UGT2B7: variants seen among roughly 807,000 people sequenced by gnomAD.
UGT2B7 encodes UDP-glucuronosyltransferase 2B7.
Under a neutral mutation model 51.9 loss-of-function variants are expected in UGT2B7, and 51 were observed. That is an observed-to-expected ratio of 0.98 (90% CI 0.78 to 1.24). UGT2B7 has a LOEUF of 1.24. Among genes scored for constraint, UGT2B7 ranks in the 50% most tolerant of loss-of-function variants. The pLI, the probability that UGT2B7 is intolerant of heterozygous loss-of-function variation, is 0.00. For synonymous variants in UGT2B7, 225 were observed against 211.6 expected (o/e 1.06, Z -0.55); for missense variants, 727 against 628.4 (o/e 1.16, Z -1.68).
intron 5 of UGT2B7, among the ~76,000 whole-genome samples, chr4:69,111,385 CA>C (rs1719765515): frequency 6.6e-6 from 1 of 152,072 alleles, no homozygotes; most frequent in East Asian, 1.9e-4. Context: ...GAGTAGGAGA[CA>C]AAAGAGTAAT....
intron 1 of UGT2B7, among the ~76,000 whole-genome samples, chr4:69,064,123 A>AG: frequency 6.6e-6 from 1 of 151,580 alleles, no homozygotes; most frequent in Middle Eastern, 3.4e-3. Flanking sequence ...AAAGAAAGAA[A>AG]GAAAGAAAGA....
chr4:69,109,026 G>C (rs917317992), intron 5 of UGT2B7, among the ~76,000 whole-genome samples: 5 of 151,508 alleles, frequency 3.3e-5, no homozygotes, highest in African/African-American at 1.2e-4. Context: ...TTTCACCTAG[G>C]CTAATTTTTT....
chr4:69,110,892 A>T (rs1719752981), intron 5 of UGT2B7, among the ~76,000 whole-genome samples: 1 of 152,172 alleles, frequency 6.6e-6, no homozygotes, highest in Admixed American at 6.5e-5. Flanking sequence ...TTTTGTATTT[A>T]ATATTTAAAT....
intron 1 of UGT2B7, among the ~76,000 whole-genome samples, chr4:69,075,602 T>A (rs1577912557): frequency 6.6e-6 from 1 of 152,002 alleles, no homozygotes; most frequent in African/African-American, 2.4e-5. Flanking sequence ...GATGATTACA[T>A]CCCCAGCCAC....
chr4:69,077,855 C>A (rs1255302488), intron 1 of UGT2B7, among the ~76,000 whole-genome samples: 5 of 152,112 alleles, frequency 3.3e-5, no homozygotes, highest in Admixed American at 6.6e-5. Context: ...TTGCCTTGTG[C>A]CAATTTTCAA....
intron 1 of UGT2B7, among the ~76,000 whole-genome samples, chr4:69,088,589 A>G (rs1365077197): frequency 6.6e-6 from 1 of 152,160 alleles, no homozygotes; most frequent in East Asian, 1.9e-4. Flanking sequence ...TCTGGGAATT[A>G]TAAAAATACC....
chr4:69,085,402 C>G (rs568071875), intron 1 of UGT2B7, among the ~76,000 whole-genome samples: 8 of 152,028 alleles, frequency 5.3e-5, no homozygotes, highest in Non-Finnish European at 1.0e-4. Flanking sequence ...AATTTTCTCC[C>G]TTTCTGTAGG....
intron 1 of UGT2B7, among the ~76,000 whole-genome samples, chr4:69,086,707 C>G (rs1207722004): frequency 6.6e-6 from 1 of 151,806 alleles, no homozygotes; most frequent in East Asian, 1.9e-4. Flanking sequence ...CTCTATGGAG[C>G]TCTTGATTAT....
chr4:69,076,011 T>C (rs1301765263), intron 1 of UGT2B7, among the ~76,000 whole-genome samples: 3 of 152,086 alleles, frequency 2.0e-5, no homozygotes, highest in Non-Finnish European at 2.9e-5. Context: ...CTCCCACTTA[T>C]GTGTGAGAAC....
chr4:69,097,011 T>C lies in UGT2B7; in HGVS notation c.491T>C (p.Phe164Ser). 6.2e-7 allele frequency: 1 copy of C among 1,613,884 alleles called. No homozygotes were observed. The highest frequency in any genetic ancestry group is 8.5e-7 in the Non-Finnish European group (1 of 1,179,836). ...TGTAGTGAGCTGCTGGCTGAGCTAT[T>C]TAACATACCCTTTGTGTACAGTCTC... ...FPCSELLAEL[F>S]NIPFVYSLSF... is the part of the protein sequence containing the mutation. The change falls in exon 1 of 6, where the codon TTT (phenylalanine) becomes TCT (serine). Residue 164 changes from phenylalanine to serine, a missense_variant. Physicochemically the swap from Phe to Ser is radical, Grantham distance 155. Coordinates refer to ENST00000305231, the MANE Select transcript of UGT2B7 (RefSeq NM_001074.4).
At chr4:69,087,895 A>G (rs1016249528) in intron 1 of UGT2B7, among the ~76,000 whole-genome samples, 2 of 152,014 alleles carry the variant, frequency 1.3e-5, no homozygotes, top group Non-Finnish European at 2.9e-5. Flanking sequence ...TTTGCCTTTT[A>G]ACAATTTAAA....
At chr4:69,073,027 T>A (rs1200369594) in intron 1 of UGT2B7, among the ~76,000 whole-genome samples, 1 of 152,082 alleles carries the variant, frequency 6.6e-6, no homozygotes, top group Non-Finnish European at 1.5e-5. Flanking sequence ...GCCCACTGGG[T>A]TCTCCACCTC....
chr4:69,086,560 T>A (rs1225134189), intron 1 of UGT2B7, among the ~76,000 whole-genome samples: 3 of 151,910 alleles, frequency 2.0e-5, no homozygotes, highest in African/African-American at 4.8e-5. Context: ...ATATTTTTAT[T>A]ATTGTAAGTA....
upstream of UGT2B7, among the ~76,000 whole-genome samples, chr4:69,091,963 G>A (rs369911962): frequency 7.2e-5 from 11 of 152,178 alleles, no homozygotes; most frequent in East Asian, 3.9e-4. Context: ...TTCTATTTGA[G>A]ACAAGGTCTT....
intron 2 of UGT2B7, among the ~76,000 whole-genome samples, chr4:69,091,030 T>C (rs978439974): frequency 6.6e-6 from 1 of 152,188 alleles, no homozygotes; most frequent in Non-Finnish European, 1.5e-5. Context: ...ATCCATGACC[T>C]TTACTCATTC....
intron 1 of UGT2B7, among the ~76,000 whole-genome samples, chr4:69,069,197 G>A (rs1197484914): frequency 6.6e-6 from 1 of 151,592 alleles, no homozygotes; most frequent in Non-Finnish European, 1.5e-5. Context: ...TTGATGTAAT[G>A]TTAATACCAA....
At chr4:69,088,248 T>C (rs957769801) in intron 1 of UGT2B7, among the ~76,000 whole-genome samples, 21 of 152,136 alleles carry the variant, frequency 1.4e-4, no homozygotes, top group African/African-American at 4.6e-4. Flanking sequence ...TTCAATTCAC[T>C]TCACATATTT....
chr4:69,084,529 C>T (rs1560504898), intron 1 of UGT2B7, among the ~76,000 whole-genome samples: 1 of 151,988 alleles, frequency 6.6e-6, no homozygotes, highest in Non-Finnish European at 1.5e-5. Flanking sequence ...ATACATGTTC[C>T]ATGGTGGTTT....
At chr4:69,105,226 G>C (rs1176742055) in intron 3 of UGT2B7, among the ~76,000 whole-genome samples, 1 of 152,058 alleles carries the variant, frequency 6.6e-6, no homozygotes, top group Non-Finnish European at 1.5e-5. Context: ...AGGAGGCCAG[G>C]CACAGAAACA....
Sources: gnomAD v4.1 joint callset for allele counts (sites outside exome capture counted in the v4.1 genomes callset) on GRCh38, gnomAD v4.1.1 for gene constraint, MANE v1.5 for transcripts, NCBI Gene and HGNC (gene_info 2026-07-23, HGNC 2026-07-21) for gene names.